Variants in CLEC2B observed in about 807,000 individuals in gnomAD.
The protein encoded by CLEC2B is C-type lectin domain family 2 member B, also known as C-type (calcium dependent, carbohydrate-recognition domain) lectin, superfamily member 2 (activation-induced).
CLEC2B carries 14 observed loss-of-function variants against 16.2 expected under a neutral mutation model. The ratio of observed to expected loss-of-function variants is 0.86; its 90% confidence interval spans 0.57 to 1.35. The LOEUF (loss-of-function observed/expected upper bound fraction) is 1.35, where lower values mean the gene tolerates loss of function less well. CLEC2B is among the 40% of genes most tolerant of loss of function. The pLI is 0.00. For synonymous variants in CLEC2B, 42 were observed against 55.8 expected (o/e 0.75, Z 1.10); for missense variants, 166 against 182.3 (o/e 0.91, Z 0.52).
chr12:9,863,417 C>T (rs1161229871), intron 1 of CLEC2B, among the ~76,000 whole-genome samples: 1 of 152,082 alleles, frequency 6.6e-6, no homozygotes, highest in Non-Finnish European at 1.5e-5. Context: ...GAAACAACAG[C>T]AAACAGGGAA....
chr12:9,863,111 G>C lies in CLEC2B; in HGVS notation c.-2-538C>G, dbSNP rs544222600. Among the ~76,000 whole-genome samples, 5 of 152,244 alleles carry C rather than the reference G, an allele frequency of 3.3e-5. No homozygotes were observed. In the East Asian group the frequency reaches 9.7e-4, roughly 29 times the overall value. Reference sequence around the variant, plus strand: ...AGCATCATGGTATAGGAGGTTTGTTGCACAGGTCCCCTGGGCTGGAACACC... The same window carrying C: ...AGCATCATGGTATAGGAGGTTTGTTCCACAGGTCCCCTGGGCTGGAACACC... On this transcript the variant is annotated intron_variant, in intron 1 of 4. Transcript: ENST00000228438.
chr12:9,855,119 A>G (rs1183601288), intron 3 of CLEC2B, among the ~76,000 whole-genome samples: 1 of 152,018 alleles, frequency 6.6e-6, no homozygotes, highest in Non-Finnish European at 1.5e-5. Context: ...TTCTTTAATC[A>G]TAGAATTACA....
chr12:9,857,754 A>G, intron 2 of CLEC2B, 117 bp from the exon 3 acceptor site: 1 of 773,022 alleles, frequency 1.3e-6, no homozygotes, highest in Non-Finnish European at 2.1e-6. Flanking sequence ...TGAAAGTTGT[A>G]TATCTATTAT....
intron 3 of CLEC2B, 56 bp from the exon 4 acceptor site, chr12:9,854,540 C>T (rs769280488): frequency 9.0e-7 from 1 of 1,111,066 alleles, no homozygotes; most frequent in Non-Finnish European, 1.4e-6. Context: ...TGACAACCTA[C>T]TGTGTACCTC....
chr12:9,864,297 A>G (rs77152207), intron 1 of CLEC2B, among the ~76,000 whole-genome samples: 6,556 of 152,280 alleles, frequency 0.043, 212 homozygotes, highest in African/African-American at 0.081. Context: ...ATCTTATAAG[A>G]AATGCTAAAG....
intron 1 of CLEC2B, among the ~76,000 whole-genome samples, chr12:9,863,911 A>G (rs180829548): frequency 2.6e-5 from 4 of 152,282 alleles, no homozygotes; most frequent in Admixed American, 1.3e-4. Context: ...AAAGTATTAC[A>G]AAGCTTGAGA....
chr12:9,862,902 T>C (rs1409929968), intron 1 of CLEC2B, among the ~76,000 whole-genome samples: 1 of 152,108 alleles, frequency 6.6e-6, no homozygotes, highest in Non-Finnish European at 1.5e-5. Context: ...GATAACCAGC[T>C]TCCCCACCAG....
At chr12:9,855,626 CAT>C (rs1867889761) in intron 3 of CLEC2B, among the ~76,000 whole-genome samples, 1 of 151,702 alleles carries the variant, frequency 6.6e-6, no homozygotes, top group Non-Finnish European at 1.5e-5. Context: ...GAGGGTAATT[CAT>C]AGTCTAGACT....
intron 1 of CLEC2B, among the ~76,000 whole-genome samples, chr12:9,865,779 A>T (rs575769851): frequency 1.2e-4 from 19 of 152,298 alleles, no homozygotes; most frequent in African/African-American, 3.1e-4. Context: ...TCAATAAATT[A>T]AAAAAAGTAG....
chr12:9,863,050 G>A (rs10743867), intron 1 of CLEC2B, among the ~76,000 whole-genome samples: 64,039 of 151,836 alleles, frequency 0.42, 13,773 homozygotes, highest in Non-Finnish European at 0.48. Flanking sequence ...CTGTTACTTG[G>A]CCAAAGGAGA....
At chr12:9,857,452 G>C in intron 3 of CLEC2B, 22 bp downstream of exon 3, 1 of 1,559,328 alleles carries the variant, frequency 6.4e-7, no homozygotes, top group Non-Finnish European at 8.8e-7. Flanking sequence ...AATTCACAAA[G>C]AATGTATATT....
intron 1 of CLEC2B, among the ~76,000 whole-genome samples, chr12:9,865,596 T>C (rs1867965113): frequency 6.6e-6 from 1 of 152,262 alleles, no homozygotes; most frequent in Non-Finnish European, 1.5e-5. Context: ...CCCTGAGTAA[T>C]GGACAGATAA....
In CLEC2B at chr12:9,853,157, T is replaced by G; in HGVS notation, c.*143A>C. ...AACCATTTTTTGCCAATCTTTGAAGTGGCTTTTATGTGTAGCCTGACACGT... is the reference window on the plus strand; with the variant it reads ...AACCATTTTTTGCCAATCTTTGAAGGGGCTTTTATGTGTAGCCTGACACGT... On this transcript the variant is annotated 3_prime_UTR_variant, in exon 5 of 5. Transcript: ENST00000228438. 1.7e-6 allele frequency: 1 copy of G among 598,168 alleles called. No homozygotes were observed. The highest frequency in any genetic ancestry group is 2.3e-5 in the South Asian group (1 of 43,120). The allele number at this position is 598,168 out of a possible 1,614,324, so 37.1% of individuals were successfully genotyped here.
chr12:9,865,806 C>T (rs1445272685), intron 1 of CLEC2B, among the ~76,000 whole-genome samples: 1 of 152,132 alleles, frequency 6.6e-6, no homozygotes, highest in African/African-American at 2.4e-5. Context: ...AATCAAGTAT[C>T]TTTTCTGACC....
intron 1 of CLEC2B, among the ~76,000 whole-genome samples, chr12:9,864,904 C>T (rs1358569500): frequency 3.3e-5 from 5 of 152,024 alleles, no homozygotes; most frequent in African/African-American, 9.7e-5. Context: ...AAGTGCAGGC[C>T]GGGTGCAGTG....
chr12:9,861,935 T>A (rs1001450876), intron 2 of CLEC2B, among the ~76,000 whole-genome samples: 1 of 152,108 alleles, frequency 6.6e-6, no homozygotes, highest in African/African-American at 2.4e-5. Context: ...AATTAAGTAG[T>A]TGCAGCAGAG....
chr12:9,860,613 A>G (rs556777225), intron 2 of CLEC2B, among the ~76,000 whole-genome samples: 60 of 151,998 alleles, frequency 3.9e-4, no homozygotes, highest in African/African-American at 1.4e-3. Context: ...AATTACAGAT[A>G]ATTTATATGG....
chr12:9,862,318 G>T (rs1359384413), intron 2 of CLEC2B, among the ~76,000 whole-genome samples, 181 bp downstream of exon 2: 1 of 151,778 alleles, frequency 6.6e-6, no homozygotes, highest in Admixed American at 6.6e-5. Flanking sequence ...CAATAATTTT[G>T]GTATCTCTGA....
intron 1 of CLEC2B, among the ~76,000 whole-genome samples, chr12:9,863,042 G>A (rs1867945120): frequency 1.3e-5 from 2 of 152,120 alleles, no homozygotes; most frequent in Admixed American, 6.5e-5. Context: ...ACTGTGCTCT[G>A]TTACTTGGCC....
Sources: gnomAD v4.1 joint callset for allele counts (sites outside exome capture counted in the v4.1 genomes callset) on GRCh38, gnomAD v4.1.1 for gene constraint, MANE v1.5 for transcripts, NCBI Gene and HGNC (gene_info 2026-07-23, HGNC 2026-07-21) for gene names.